Variants in FAM124B observed in about 807,000 individuals in gnomAD.
FAM124B encodes the protein family with sequence similarity 124 member B.
In FAM124B, 18 loss-of-function variants were observed where a neutral mutation model predicts 19.7. The ratio of observed to expected loss-of-function variants is 0.92; its 90% CI spans 0.63 to 1.36. FAM124B has a LOEUF of 1.36. FAM124B is among the 40% of genes most tolerant of loss of function. The pLI, the probability that FAM124B is intolerant of heterozygous loss-of-function variation, is 0.00. For missense variants in FAM124B, 540 were observed against 553.3 expected, an observed-to-expected ratio of 0.98 and a Z score of 0.24; for synonymous variants, 223 against 225.2, an observed-to-expected ratio of 0.99 and a Z score of 0.09.
Position 224,401,418 on chromosome 2 carries a change from G to A in FAM124B, c.351C>T (p.Tyr117=), listed in dbSNP as rs1367738222. ...AGATGGGCAGCTGACTGTCCAGGCT[G>A]TAGAACTCCTGATTGGCAAAAAAGT... ...CPYFFANQEF[Y]SLDSQLPIWG... is the part of the protein sequence containing the mutation. The change falls in exon 1 of 2, where the codon TAC becomes TAT. Residue 117 remains tyrosine (Y), a synonymous_variant. Transcript: ENST00000409685. 1.9e-6 allele frequency: 3 copies of A among 1,613,966 alleles called. No homozygotes were observed. The highest frequency in any genetic ancestry group is 2.5e-6 in the Non-Finnish European group (3 of 1,180,028).
chr2:224,384,213 A>G (rs1386335560), intron 1 of FAM124B, among the ~76,000 whole-genome samples: 1 of 152,142 alleles, frequency 6.6e-6, no homozygotes, highest in African/African-American at 2.4e-5. Flanking sequence ...CATCTTTGAA[A>G]GATTCTATTT....
At chr2:224,398,453 T>G (rs6729257) in intron 1 of FAM124B, among the ~76,000 whole-genome samples, 25,566 of 152,196 alleles carry the variant, frequency 0.17, 2,372 homozygotes, top group African/African-American at 0.2. Context: ...ATCTAGGAGC[T>G]ACAATGTGTT....
chr2:224,393,422 CA>C, intron 1 of FAM124B, among the ~76,000 whole-genome samples: 1 of 152,172 alleles, frequency 6.6e-6, no homozygotes, highest in Non-Finnish European at 1.5e-5. Context: ...AATAGGACAC[CA>C]CCCTATTCTA....
chr2:224,388,663 G>C (rs1258408171), intron 1 of FAM124B, among the ~76,000 whole-genome samples: 3 of 152,210 alleles, frequency 2.0e-5, no homozygotes, highest in East Asian at 1.9e-4. Flanking sequence ...ACAATACTGT[G>C]AATGTGCTTA....
rs775955255 is a variant in FAM124B at position 224,379,836 on chromosome 2, T to C, written c.1105A>G (p.Ile369Val). 3 of 1,551,954 alleles carry C rather than the reference T, an allele frequency of 1.9e-6. No individual in the cohort carries two copies. The highest frequency in any genetic ancestry group is 2.0e-5 in the Admixed American group (1 of 51,002). Reference sequence around the variant, plus strand: ...GTCTGCCTGGGTTCAGAATTTATGATGGTCAAGCCGGTGTCAACATTCGTC... The same window carrying C: ...GTCTGCCTGGGTTCAGAATTTATGACGGTCAAGCCGGTGTCAACATTCGTC... Reference protein sequence around the residue: ...AETNVDTGLTIINSEPRQTYF... With the variant: ...AETNVDTGLTVINSEPRQTYF... Residue 369 changes from isoleucine (I) to valine (V), a missense_variant, in exon 2 of 2, where the codon ATC becomes GTC. Transcript: ENST00000409685.
rs1456217355 is a variant in FAM124B at position 224,401,834 on chromosome 2, T to C, written c.-66A>G. On this transcript the variant is annotated 5_prime_UTR_variant, in exon 1 of 2. Coordinates refer to ENST00000409685, the MANE Select transcript of FAM124B (RefSeq NM_001122779.2). ...AGGCCCACTGTTCAAGTTTCTGAAA[T>C]GAATGAAGAAGCGGCCCAGCCTTCA... is the stretch of plus-strand genomic sequence containing the variant. 2.5e-5 allele frequency: 39 copies of C among 1,535,276 alleles called. No individual in the cohort carries two copies. Among genetic ancestry groups the C allele is most frequent in the Non-Finnish European group, 3.2e-5 (37 of 1,142,512 alleles).
chr2:224,382,405 C>CTTTTTTT (rs71062905), intron 1 of FAM124B, among the ~76,000 whole-genome samples: 1 of 106,406 alleles, frequency 9.4e-6, no homozygotes, highest in Non-Finnish European at 1.8e-5. Context: ...GATTCCCTGT[C>CTTTTTTT]TTTTTTTTTT....
In FAM124B at chr2:224,378,706, CA is replaced by C. The variant is rs1015944867; in HGVS notation, c.*866del. On this transcript the variant is annotated 3_prime_UTR_variant, in exon 2 of 2. Coordinates refer to ENST00000409685, the MANE Select transcript of FAM124B (RefSeq NM_001122779.2). ...AATGTCTTATTCAAATGTAGGTATT[CA>C]AAAAATGTTTATTGAATGAACATAT... The C allele has an allele frequency of 2.0e-5, 3 of 152,026 alleles. No individual in the cohort carries two copies. The highest frequency in any genetic ancestry group is 7.2e-5 in the African/African-American group (3 of 41,388). The allele number at this position is 152,026 out of a possible 1,614,324, so 9.4% of individuals were successfully genotyped here.
At chr2:224,399,638 G>A (rs1690030858) in intron 1 of FAM124B, 1 of 152,114 alleles carries the variant, frequency 6.6e-6, no homozygotes, top group Non-Finnish European at 1.5e-5. Context: ...CTGACCACAT[G>A]AACTTTGAGG....
intron 1 of FAM124B, among the ~76,000 whole-genome samples, chr2:224,396,921 A>G (rs1179805222): frequency 6.6e-6 from 1 of 152,226 alleles, no homozygotes; most frequent in Non-Finnish European, 1.5e-5. Context: ...CAGAGCTGGG[A>G]TCTGGATCCT....
At chr2:224,388,061 C>G (rs1282332986) in intron 1 of FAM124B, among the ~76,000 whole-genome samples, 1 of 152,164 alleles carries the variant, frequency 6.6e-6, no homozygotes, top group East Asian at 1.9e-4. Context: ...ATTTCAGAAG[C>G]AGCTATCTGC....
At chr2:224,381,678 T>C (rs540029077) in intron 1 of FAM124B, among the ~76,000 whole-genome samples, 2 of 152,144 alleles carry the variant, frequency 1.3e-5, no homozygotes, top group South Asian at 2.1e-4. Context: ...ATGTACCCTA[T>C]GGGCTTTGGG....
At chr2:224,394,714 C>A (rs906702719) in intron 1 of FAM124B, among the ~76,000 whole-genome samples, 9 of 152,174 alleles carry the variant, frequency 5.9e-5, no homozygotes, top group African/African-American at 2.2e-4. Context: ...ATTCTCTAAA[C>A]TCCTTTGAAC....
intron 1 of FAM124B, chr2:224,400,507 T>TA: frequency 1.5e-6 from 1 of 688,652 alleles, no homozygotes; most frequent in Non-Finnish European, 2.6e-6. Flanking sequence ...CTCCCATCTC[T>TA]AAAAAATAAA....
chr2:224,389,436 T>C (rs908023052), intron 1 of FAM124B, among the ~76,000 whole-genome samples: 2 of 152,198 alleles, frequency 1.3e-5, no homozygotes, highest in Non-Finnish European at 2.9e-5. Context: ...GCTGTAATAA[T>C]AATGTGCGTT....
At chr2:224,397,913 C>T (rs1293993440) in intron 1 of FAM124B, among the ~76,000 whole-genome samples, 1 of 152,192 alleles carries the variant, frequency 6.6e-6, no homozygotes, top group Non-Finnish European at 1.5e-5. Context: ...CTCCCAATAT[C>T]TGATGGTTTT....
Position 224,401,474 on chromosome 2 carries a change from T to C in FAM124B, c.295A>G (p.Thr99Ala). The C allele has an allele frequency of 6.2e-7, 1 of 1,613,884 alleles. No individual in the cohort carries two copies. Among genetic ancestry groups the C allele is most frequent in the East Asian group, 2.2e-5 (1 of 44,872 alleles). ...LQHSPWQCYP[T>A]QDTRGRLCPY... ...CACAGCCTTCCCCGAGTGTCCTGGG[T>C]GGGGTAGCACTGCCATGGCGAATGC... Residue 99 changes from threonine (T) to alanine (A), a missense_variant, in exon 1 of 2, where the codon ACC (threonine) becomes GCC (alanine). Coordinates refer to ENST00000409685, the MANE Select transcript of FAM124B (RefSeq NM_001122779.2).
At chr2:224,395,822 G>A (rs1215458187) in intron 1 of FAM124B, among the ~76,000 whole-genome samples, 2 of 152,194 alleles carry the variant, frequency 1.3e-5, no homozygotes, top group Non-Finnish European at 2.9e-5. Context: ...ATTGCTCACT[G>A]GGCGCGCTGG....
At chr2:224,399,135 C>T (rs1690021931) in intron 1 of FAM124B, among the ~76,000 whole-genome samples, 1 of 152,198 alleles carries the variant, frequency 6.6e-6, no homozygotes, top group Non-Finnish European at 1.5e-5. Context: ...ACTCAACTTT[C>T]CAAAGTAACT....
Sources: gnomAD v4.1 joint callset for allele counts (sites outside exome capture counted in the v4.1 genomes callset) on GRCh38, gnomAD v4.1.1 for gene constraint, MANE v1.5 for transcripts, NCBI Gene and HGNC (gene_info 2026-07-23, HGNC 2026-07-21) for gene names.